VRK2: variants seen among roughly 807,000 people sequenced by gnomAD.
VRK2 encodes serine/threonine-protein kinase VRK2.
VRK2 carries 60 observed loss-of-function variants against 57.6 expected under a neutral mutation model. That is an observed-to-expected ratio of 1.04 (90% confidence interval 0.85 to 1.29). The LOEUF (loss-of-function observed/expected upper bound fraction) is 1.29, where lower values mean the gene tolerates loss of function less well. VRK2 is among the 50% of genes most tolerant of loss of function. VRK2 has a pLI of 0.00. For synonymous variants in VRK2, 231 were observed against 199.2 expected (o/e 1.16, Z -1.35); for missense variants, 705 against 588.1 (o/e 1.20, Z -2.06).
chr2:58,053,636 T>G (rs1676079139), intron 2 of VRK2, among the ~76,000 whole-genome samples: 1 of 152,182 alleles, frequency 6.6e-6, no homozygotes, highest in African/African-American at 2.4e-5. Context: ...AGATTGATTT[T>G]AAGGTATGCA....
At position 57,966,030 on chromosome 2, in the gene VRK2, AAACAGGGAACAACTCCAGCCTC is replaced by A. The variant is rs1161247823; in HGVS notation, c.-439+58193_-439+58214del. On this transcript the variant is annotated intron_variant, in intron 1 of 15. Coordinates refer to the VRK2 transcript ENST00000417641. Reference sequence around the variant, plus strand: ...ATACATTCAGAAGCTTTAACATCTTAAACAGGGAACAACTCCAGCCTCACAGAGGATGGCAAGGAGTGAACCT... The same window carrying A: ...ATACATTCAGAAGCTTTAACATCTTAACAGAGGATGGCAAGGAGTGAACCT... Among the ~76,000 whole-genome samples, 7 of 152,332 alleles carry A rather than the reference AAACAGGGAACAACTCCAGCCTC, an allele frequency of 4.6e-5. No individual in the cohort carries two copies. In the East Asian group the frequency reaches 1.2e-3, roughly 25 times the overall value.
At chr2:58,132,394 A>T (rs1679344494) in intron 9 of VRK2, among the ~76,000 whole-genome samples, 1 of 152,224 alleles carries the variant, frequency 6.6e-6, no homozygotes, top group South Asian at 2.1e-4. Flanking sequence ...TTTCTTTCTT[A>T]AGAAACAAAA....
At chr2:58,108,383 C>T (rs1244112181) in intron 7 of VRK2, among the ~76,000 whole-genome samples, 2 of 152,112 alleles carry the variant, frequency 1.3e-5, no homozygotes, top group Non-Finnish European at 2.9e-5. Context: ...ATGATGCTGC[C>T]AGTGCTGATA....
At chr2:58,084,247 C>G (rs1413604847) in intron 3 of VRK2, 109 bp downstream of exon 3, 2 of 1,116,478 alleles carry the variant, frequency 1.8e-6, no homozygotes, top group Non-Finnish European at 2.5e-6. Flanking sequence ...ATCAGTAAAC[C>G]TAATGTTATC....
At chr2:57,968,881 G>GA (rs1411166225) in intron 1 of VRK2, among the ~76,000 whole-genome samples, 2 of 152,012 alleles carry the variant, frequency 1.3e-5, no homozygotes, top group Admixed American at 6.6e-5. Flanking sequence ...ACAATTTTGA[G>GA]AAAGTTTGCA....
chr2:58,127,600 T>C (rs1182942022), intron 8 of VRK2, among the ~76,000 whole-genome samples: 5 of 152,216 alleles, frequency 3.3e-5, no homozygotes, highest in Admixed American at 1.3e-4. Context: ...AATACTGAAT[T>C]ACATAGGTTA....
Position 58,089,617 on chromosome 2 carries a change from A to G in VRK2, c.451-14A>G. The G allele has an allele frequency of 1.3e-6, 2 of 1,525,104 alleles. No individual in the cohort carries two copies. The highest frequency in any genetic ancestry group is 2.3e-5 in the East Asian group (1 of 44,072). 94.5% of individuals were successfully genotyped at this position (1,525,104 alleles called of 1,614,324 possible). ...AATAGCAGTAAACCTTATTTTATCT[A>G]TTTATTTTCACAGTTGGATGTACTG... is the stretch of plus-strand genomic sequence containing the variant. On this transcript the variant is annotated splice_polypyrimidine_tract_variant and intron_variant, in intron 6 of 12. Transcript: ENST00000340157.
intron 1 of VRK2, among the ~76,000 whole-genome samples, chr2:57,934,676 C>T (rs1670846903): frequency 1.3e-5 from 2 of 152,152 alleles, no homozygotes. Context: ...CTTTCTTTCT[C>T]TTTTCTACTG....
chr2:58,051,410 CAT>C (rs1675723120), intron 2 of VRK2, among the ~76,000 whole-genome samples: 1 of 152,142 alleles, frequency 6.6e-6, no homozygotes, highest in African/African-American at 2.4e-5. Context: ...GCTAATGAAT[CAT>C]AGAATCAGTT....
chr2:58,081,519 G>A (rs1670863962), intron 2 of VRK2, among the ~76,000 whole-genome samples: 1 of 150,012 alleles, frequency 6.7e-6, no homozygotes, highest in Non-Finnish European at 1.5e-5. Context: ...GATGTTCTTT[G>A]TTATCTTCTT....
intron 4 of VRK2, among the ~76,000 whole-genome samples, chr2:58,085,657 G>T (rs1486850090): frequency 6.6e-6 from 1 of 151,786 alleles, no homozygotes; most frequent in African/African-American, 2.4e-5. Flanking sequence ...ATTTAACTTA[G>T]TTTTTCTTAA....
chr2:57,994,900 C>A (rs546714786), intron 1 of VRK2, among the ~76,000 whole-genome samples: 1 of 151,970 alleles, frequency 6.6e-6, no homozygotes. Context: ...TTTTGAAAAT[C>A]GCTTTTAATG....
chr2:58,010,373 T>A (rs376122987), intron 1 of VRK2, among the ~76,000 whole-genome samples: 2 of 152,176 alleles, frequency 1.3e-5, no homozygotes, highest in African/African-American at 4.8e-5. Context: ...AAATGCTGCA[T>A]GAAAAAAATT....
rs1438034380 is a variant in VRK2, at chr2:58,138,932, T to G, written c.857-734T>G. ...TTTAATGCAGTGATGTTTGTAACTG[T>G]TGGTTACTAATTCTGTTTGTATTTA... On this transcript the variant is annotated intron_variant, in intron 10 of 12. Coordinates refer to ENST00000340157, the MANE Select transcript of VRK2 (RefSeq NM_006296.7). Among the ~76,000 whole-genome samples the G allele has an allele frequency of 2.0e-5, 3 of 152,286 alleles. No homozygotes were observed. In the East Asian group the frequency reaches 5.8e-4, roughly 29 times the overall value.
Position 58,101,115 on chromosome 2 carries a change from T to C in VRK2, c.543+11392T>C, listed in dbSNP as rs79502299. 1.0e-3 allele frequency among the ~76,000 whole-genome samples: 155 copies of C among 151,796 alleles called. 2 individuals are homozygous for C. In the East Asian group the frequency reaches 0.026, roughly 26 times the overall value. ...AATATTGAAGAAAACAGCATAATAA[T>C]TATGATTTAGAATCCATGGTTTCGA... On this transcript the variant is annotated intron_variant, in intron 7 of 12. Transcript: ENST00000340157.
In VRK2 at chr2:57,915,300, CA is replaced by C. The variant is rs545530988; in HGVS notation, c.-439+7464del. ...TCTACATAAATCTAAAAACATTTTG[CA>C]AACATGAAAGCATTTATAACCTAAC... On this transcript the variant is annotated intron_variant, in intron 1 of 15. Transcript: ENST00000417641. Among the ~76,000 whole-genome samples the C allele has an allele frequency of 6.0e-3, 920 of 152,084 alleles. 10 individuals are homozygous for C. The highest frequency in any genetic ancestry group is 0.021 in the African/African-American group (867 of 41,514).
intron 1 of VRK2, among the ~76,000 whole-genome samples, chr2:57,979,692 G>A (rs1405472931): frequency 6.6e-5 from 10 of 151,984 alleles, no homozygotes; most frequent in African/African-American, 2.4e-4. Context: ...GGTTGGTAAG[G>A]TTTTTATTAC....
chr2:57,965,149 T>G (rs1671876903), intron 1 of VRK2, among the ~76,000 whole-genome samples: 1 of 152,180 alleles, frequency 6.6e-6, no homozygotes, highest in African/African-American at 2.4e-5. Context: ...TTAGGATACC[T>G]TGAAAACTGA....
chr2:57,926,723 C>CT (rs984951096), intron 1 of VRK2, among the ~76,000 whole-genome samples: 4 of 150,448 alleles, frequency 2.7e-5, no homozygotes, highest in Non-Finnish European at 5.9e-5. Context: ...TTTTTTTAGT[C>CT]TTTTTTTCAT....
Sources: gnomAD v4.1 joint callset for allele counts (sites outside exome capture counted in the v4.1 genomes callset) on GRCh38, gnomAD v4.1.1 for gene constraint, MANE v1.5 for transcripts, NCBI Gene and HGNC (gene_info 2026-07-23, HGNC 2026-07-21) for gene names.